The following EVI5 variants were observed in gnomAD, a reference collection of about 807,000 sequenced individuals.
The protein encoded by EVI5 is ecotropic viral integration site 5, also known as ecotropic viral integration site 5 protein homolog.
EVI5 carries 73 observed loss-of-function variants against 112.0 expected under a neutral mutation model. That is an observed-to-expected ratio of 0.65 (90% CI 0.54 to 0.79). The LOEUF (loss-of-function observed/expected upper bound fraction) is 0.79, where lower values mean the gene tolerates loss of function less well. Among genes scored for constraint, EVI5 ranks in the 30% least tolerant of loss-of-function variants. EVI5 has a pLI of 0.00. For missense variants in EVI5, 900 were observed against 968.8 expected (o/e 0.93, Z 0.94); for synonymous variants, 305 against 319.9 (o/e 0.95, Z 0.50).
At chr1:92,586,806 C>G (rs1014742127) in intron 18 of EVI5, among the ~76,000 whole-genome samples, 1 of 151,524 alleles carries the variant, frequency 6.6e-6, no homozygotes, top group African/African-American at 2.4e-5. Context: ...AGGTTAGCTA[C>G]ATATGTATAC....
intron 16 of EVI5, among the ~76,000 whole-genome samples, chr1:92,618,501 A>G (rs1204830574): frequency 6.6e-6 from 1 of 152,218 alleles, no homozygotes; most frequent in African/African-American, 2.4e-5. Context: ...CAACGGAGGT[A>G]AAGAAGAGTA....
chr1:92,674,104 T>C (rs1050885473), intron 10 of EVI5, among the ~76,000 whole-genome samples: 1 of 152,200 alleles, frequency 6.6e-6, no homozygotes, highest in East Asian at 1.9e-4. Flanking sequence ...CCCATTCTCT[T>C]GTAAAAGAGA....
At chr1:92,693,568 T>C (rs1437396838) in intron 9 of EVI5, among the ~76,000 whole-genome samples, 1 of 152,036 alleles carries the variant, frequency 6.6e-6, no homozygotes, top group Non-Finnish European at 1.5e-5. Context: ...TGTATATCCA[T>C]TCCAGGCTCC....
At chr1:92,783,760 C>A (rs532410631) in intron 1 of EVI5, among the ~76,000 whole-genome samples, 4 of 146,524 alleles carry the variant, frequency 2.7e-5, no homozygotes, top group African/African-American at 1.0e-4. Context: ...TGCAGTGAAC[C>A]AACGTCGCCA....
At chr1:92,690,280 A>G (rs1669268991) in intron 9 of EVI5, among the ~76,000 whole-genome samples, 2 of 152,162 alleles carry the variant, frequency 1.3e-5, no homozygotes, top group South Asian at 4.1e-4. Context: ...TAAGAAGAAT[A>G]ACATTTTTAA....
chr1:92,579,813 G>A (rs913411097), intron 18 of EVI5, among the ~76,000 whole-genome samples: 2 of 152,190 alleles, frequency 1.3e-5, no homozygotes, highest in African/African-American at 4.8e-5. Flanking sequence ...TTACAGGTGT[G>A]AGCCCCCGTG....
At chr1:92,784,664 G>A (rs1309268659) in intron 1 of EVI5, among the ~76,000 whole-genome samples, 172 bp downstream of exon 1, 4 of 151,916 alleles carry the variant, frequency 2.6e-5, no homozygotes, top group African/African-American at 4.8e-5. Context: ...GCGAGGAAGC[G>A]AGTGCAGGGA....
At chr1:92,617,448 C>T (rs1467474688) in intron 16 of EVI5, among the ~76,000 whole-genome samples, 4 of 152,178 alleles carry the variant, frequency 2.6e-5, no homozygotes, top group African/African-American at 4.8e-5. Flanking sequence ...TGCTCACCAA[C>T]GGGTGACCTC....
chr1:92,575,996 T>G (rs1228678058), intron 18 of EVI5, among the ~76,000 whole-genome samples: 2 of 152,214 alleles, frequency 1.3e-5, no homozygotes, highest in Non-Finnish European at 2.9e-5. Context: ...AAATACTGTT[T>G]TTATTCCTTG....
chr1:92,653,689 G>A (rs1212906382), intron 13 of EVI5, among the ~76,000 whole-genome samples: 1 of 152,194 alleles, frequency 6.6e-6, no homozygotes, highest in Non-Finnish European at 1.5e-5. Flanking sequence ...TGTGCAAAAG[G>A]TGGGACCCCC....
intron 19 of EVI5, among the ~76,000 whole-genome samples, chr1:92,555,443 A>G (rs1443132066): frequency 6.6e-6 from 1 of 152,202 alleles, no homozygotes; most frequent in Non-Finnish European, 1.5e-5. Flanking sequence ...TTATCAATGA[A>G]GTTTTACAGT....
At chr1:92,621,183 CAA>C (rs1283415809) in intron 16 of EVI5, among the ~76,000 whole-genome samples, 4 of 151,880 alleles carry the variant, frequency 2.6e-5, no homozygotes, top group Non-Finnish European at 5.9e-5. Flanking sequence ...AAAAAAGAAA[CAA>C]AGAAACAAAG....
Position 92,704,718 on chromosome 1 carries a change from A to G in EVI5, c.176T>C (p.Leu59Ser), listed in dbSNP as rs994877113. The change falls in exon 3 of 20, where the codon TTA becomes TCA. Residue 59 changes from leucine (L) to serine (S), a missense_variant. Transcript: ENST00000684568. ...NRLLETDSKSLRSVNGSRRNS... is the reference protein window; with the variant it reads ...NRLLETDSKSSRSVNGSRRNS... ...TCTTCTTGACCCATTTACAGATCTT[A>G]AAGACTTACTATCCGTTTCTAACAA... 6.4e-7 allele frequency: 1 copy of G among 1,574,432 alleles called. No individual in the cohort carries two copies. Among genetic ancestry groups the G allele is most frequent in the Admixed American group, 1.8e-5 (1 of 54,604 alleles).
intron 14 of EVI5, among the ~76,000 whole-genome samples, chr1:92,634,240 T>C (rs1278027794): frequency 6.6e-6 from 1 of 152,204 alleles, no homozygotes; most frequent in Non-Finnish European, 1.5e-5. Context: ...CTTGCTAGAT[T>C]GGGGAAGTTC....
chr1:92,552,428 C>T (rs566511510), intron 19 of EVI5, among the ~76,000 whole-genome samples: 2 of 152,306 alleles, frequency 1.3e-5, no homozygotes, highest in South Asian at 2.1e-4. Context: ...TCAGTGCCAA[C>T]CACATAGTCT....
intron 16 of EVI5, among the ~76,000 whole-genome samples, chr1:92,608,070 G>A (rs1650858824): frequency 6.6e-6 from 1 of 151,406 alleles, no homozygotes; most frequent in African/African-American, 2.4e-5. Context: ...AGAATGGCGT[G>A]AACCCAGGAG....
rs368343562 is a variant in EVI5 at position 92,545,340 on chromosome 1, T to G, written c.2166+18302A>C. Among the ~76,000 whole-genome samples the G allele has an allele frequency of 1.8e-4, 27 of 151,942 alleles. No homozygotes were observed. In the South Asian group the frequency reaches 5.4e-3, roughly 31 times the overall value. ...ATCCTCCTGTCTCGGCCTCCCAAAG[T>G]GCTGAGACTATAGGCCATTGTGCCT... On this transcript the variant is annotated intron_variant, in intron 19 of 19. Transcript: ENST00000684568.
At chr1:92,575,587 T>C in intron 18 of EVI5, among the ~76,000 whole-genome samples, 1 of 59,990 alleles carries the variant, frequency 1.7e-5, no homozygotes, top group Non-Finnish European at 3.1e-5. Flanking sequence ...TTTTTTTTTC[T>C]GAGACAGAGT....
chr1:92,638,747 C>G lies in EVI5; in HGVS notation c.1393-2411G>C, dbSNP rs1042172387. Among the ~76,000 whole-genome samples the G allele has an allele frequency of 6.6e-5, 10 of 152,230 alleles. No individual in the cohort carries two copies. The South Asian group carries it at 2.1e-3, about 32-fold the overall frequency. ...GGAAACTAATAGGGTACACCAAGGT[C>G]AAACAGCAGTTGATAGTGCTATTAA... On this transcript the variant is annotated intron_variant, in intron 13 of 19. Transcript: ENST00000684568.
Sources: allele counts gnomAD v4.1 joint callset (sites outside exome capture counted in the v4.1 genomes callset), GRCh38; gene constraint gnomAD v4.1.1; transcripts MANE v1.5; gene names NCBI Gene and HGNC (gene_info 2026-07-23, HGNC 2026-07-21).